Variants in IL18RAP observed in about 807,000 individuals in gnomAD.
The protein encoded by IL18RAP is interleukin 18 receptor accessory protein, also known as interleukin-18 receptor accessory protein.
In IL18RAP, 37 loss-of-function variants were observed where a neutral mutation model predicts 58.1. That is an observed-to-expected ratio of 0.64 (90% confidence interval 0.49 to 0.84). The LOEUF (loss-of-function observed/expected upper bound fraction) is 0.84. Ranked by LOEUF, IL18RAP falls within the 40% of genes least tolerant of loss-of-function variation. The pLI is 0.00. For missense variants in IL18RAP, 667 were observed against 704.8 expected, an observed-to-expected ratio of 0.95 and a Z score of 0.61; for synonymous variants, 268 against 257.5, an observed-to-expected ratio of 1.04 and a Z score of -0.39.
chr2:102,432,586 T>G (rs1682451578), intron 3 of IL18RAP, among the ~76,000 whole-genome samples: 1 of 152,112 alleles, frequency 6.6e-6, no homozygotes, highest in African/African-American at 2.4e-5. Flanking sequence ...TACAAAGATG[T>G]GTGTGGGCTT....
rs887971 is a variant in IL18RAP, at chr2:102,424,707, T to C, written c.579+293T>C. On this transcript the variant is annotated intron_variant, in intron 3 of 9. Transcript: ENST00000687160. ...ATAAACCTACTAACATCTGCTAATG[T>C]AGGAAGATAGGTTCACTCATTTTCA... is the stretch of plus-strand genomic sequence containing the variant. 0.27 allele frequency among the ~76,000 whole-genome samples: 41,554 copies of C among 152,108 alleles called. 6,354 individuals are homozygous for C. The highest frequency in any genetic ancestry group is 0.4 in the East Asian group (2,081 of 5,180).
At chr2:102,423,123 G>T, upstream of IL18RAP, 1 of 752,660 alleles carries the variant, frequency 1.3e-6, no homozygotes, top group Non-Finnish European at 2.3e-6. Context: ...TCCTGTGTGA[G>T]ATGCACTTTG....
At chr2:102,447,025 A>G (rs1266612117) in intron 7 of IL18RAP, 45 bp from the exon 8 acceptor site, 1 of 1,599,688 alleles carries the variant, frequency 6.3e-7, no homozygotes, top group Non-Finnish European at 8.5e-7. Context: ...TCTTGGTCCA[A>G]TCCCGCTGCC....
intron 3 of IL18RAP, among the ~76,000 whole-genome samples, chr2:102,428,207 T>G (rs1326219312): frequency 6.6e-6 from 1 of 151,830 alleles, no homozygotes; most frequent in African/African-American, 2.4e-5. Context: ...CCATATGAAT[T>G]TAAGGGTAGT....
In IL18RAP at chr2:102,445,275, T is replaced by A; in HGVS notation, c.1007T>A (p.Val336Asp). 6.2e-7 allele frequency: 1 copy of A among 1,614,212 alleles called. No homozygotes were observed. Among genetic ancestry groups the A allele is most frequent in the Non-Finnish European group, 8.5e-7 (1 of 1,180,026 alleles). Residue 336 changes from valine (V) to aspartate (D), a missense_variant, in exon 7 of 10, where the codon GTT (valine) becomes GAT (aspartate). Val to Asp is a radical substitution (Grantham distance 152, BLOSUM62 -3). Transcript: ENST00000687160. Reference sequence around the variant, plus strand: ...CAGCGTGATCTTCGCAGGAAGTTTGTTTGCTTTGTCCAGAACTCCATTGGA... The same window carrying A: ...CAGCGTGATCTTCGCAGGAAGTTTGATTGCTTTGTCCAGAACTCCATTGGA... The part of the protein sequence containing the change: ...VTQRDLRRKF[V>D]CFVQNSIGNT...
chr2:102,419,242 T>C (rs1196727386), upstream of IL18RAP, among the ~76,000 whole-genome samples: 2 of 152,222 alleles, frequency 1.3e-5, no homozygotes, highest in Non-Finnish European at 2.9e-5. Context: ...CATTTAAACT[T>C]AACTGTAACA....
At chr2:102,448,695 C>A (rs973393063) in intron 8 of IL18RAP, among the ~76,000 whole-genome samples, 2 of 152,102 alleles carry the variant, frequency 1.3e-5, no homozygotes, top group South Asian at 2.1e-4. Context: ...TGTGGTGGCT[C>A]ACACCTGTAA....
At chr2:102,421,817 C>T (rs1165940309), upstream of IL18RAP, among the ~76,000 whole-genome samples, 9 of 152,172 alleles carry the variant, frequency 5.9e-5, no homozygotes, top group Non-Finnish European at 1.2e-4. Context: ...TCTGGGCAGA[C>T]TTTCCTTTTC....
chr2:102,450,658 C>A lies in IL18RAP; in HGVS notation c.1211-190C>A, dbSNP rs370688205. 2.0e-5 allele frequency among the ~76,000 whole-genome samples: 3 copies of A among 152,054 alleles called. No individual in the cohort carries two copies. The East Asian group carries it at 5.8e-4, about 29-fold the overall frequency. Reference sequence around the variant, plus strand: ...CAAGACTGCTTCATAAATTAGAATTCGATTTGGGGTGAAAAATCAATACCG... The same window carrying A: ...CAAGACTGCTTCATAAATTAGAATTAGATTTGGGGTGAAAAATCAATACCG... On this transcript the variant is annotated intron_variant, in intron 8 of 9. Coordinates refer to ENST00000687160, the MANE Select transcript of IL18RAP (RefSeq NM_001393487.1).
At position 102,452,281 on chromosome 2, in the gene IL18RAP, T is replaced by C. The variant is rs1683823298; in HGVS notation, c.*100T>C. 8.6e-7 allele frequency: 1 copy of C among 1,165,304 alleles called. No homozygotes were observed. The highest frequency in any genetic ancestry group is 2.5e-5 in the Admixed American group (1 of 40,562). The allele number at this position is 1,165,304 out of a possible 1,614,324, so 72.2% of individuals were successfully genotyped here. ...GTGTGTGTTCAGGCTGATAGGAAAT[T>C]CAAAGAGTCTCCTGCCAGCACCAAG... On this transcript the variant is annotated 3_prime_UTR_variant, in exon 10 of 10. Coordinates refer to ENST00000687160, the MANE Select transcript of IL18RAP (RefSeq NM_001393487.1).
Position 102,451,012 on chromosome 2 carries a change from C to A in IL18RAP, c.1375C>A (p.Pro459Thr). The change falls in exon 9 of 10, where the codon CCA becomes ACA. Residue 459 changes from proline (P) to threonine (T), a missense_variant. Coordinates refer to ENST00000687160, the MANE Select transcript of IL18RAP (RefSeq NM_001393487.1). The stretch of plus-strand genomic sequence containing the variant: ...GTGTTTGCTTGAAAGAGATGTGGCT[C>A]CAGGAGGAGGTAAGTCCAACATGTC... ...SLCLLERDVA[P>T]GGVYAEDIVS... The A allele has an allele frequency of 6.3e-7, 1 of 1,594,208 alleles. No homozygotes were observed. The highest frequency in any genetic ancestry group is 8.5e-7 in the Non-Finnish European group (1 of 1,171,808).
At chr2:102,444,862 ATAG>A (rs1221913788) in intron 6 of IL18RAP, among the ~76,000 whole-genome samples, 1 of 152,226 alleles carries the variant, frequency 6.6e-6, no homozygotes, top group African/African-American at 2.4e-5. Flanking sequence ...GGACTGATAC[ATAG>A]TAAACCTTCA....
upstream of IL18RAP, chr2:102,419,078 G>T (rs1681415851): frequency 2.6e-5 from 4 of 152,056 alleles, no homozygotes; most frequent in African/African-American, 9.7e-5. Flanking sequence ...AACAAAATGG[G>T]TTATTTACTA....
At chr2:102,441,945 A>G (rs913364263) in intron 5 of IL18RAP, among the ~76,000 whole-genome samples, 1 of 152,162 alleles carries the variant, frequency 6.6e-6, no homozygotes, top group Non-Finnish European at 1.5e-5. Context: ...AAGTGGCTGG[A>G]GCATGAAACC....
intron 8 of IL18RAP, among the ~76,000 whole-genome samples, chr2:102,450,219 A>G (rs529937365): frequency 6.6e-6 from 1 of 152,364 alleles, no homozygotes; most frequent in African/African-American, 2.4e-5. Context: ...AAAATATCCT[A>G]TAACAAGTTA....
At chr2:102,438,261 A>G (rs1179956317) in intron 4 of IL18RAP, among the ~76,000 whole-genome samples, 2 of 152,184 alleles carry the variant, frequency 1.3e-5, no homozygotes, top group Non-Finnish European at 2.9e-5. Flanking sequence ...AGAAGTGAAA[A>G]CATAAGACAG....
At chr2:102,429,380 T>C (rs1682186184) in intron 3 of IL18RAP, among the ~76,000 whole-genome samples, 1 of 151,992 alleles carries the variant, frequency 6.6e-6, no homozygotes, top group Non-Finnish European at 1.5e-5. Context: ...AGTAGTTTCT[T>C]ATAATCCTTT....
upstream of IL18RAP, among the ~76,000 whole-genome samples, chr2:102,420,706 G>A (rs187732885): frequency 6.6e-6 from 1 of 152,244 alleles, no homozygotes; most frequent in Admixed American, 6.5e-5. Context: ...CAAATATCCC[G>A]ACTTAAACAT....
intron 3 of IL18RAP, among the ~76,000 whole-genome samples, chr2:102,430,046 G>T (rs1224981651): frequency 6.6e-6 from 1 of 151,912 alleles, no homozygotes. Flanking sequence ...GCTGCTGTTG[G>T]ATAGAATGTT....
Sources: allele counts gnomAD v4.1 joint callset (sites outside exome capture counted in the v4.1 genomes callset), GRCh38; gene constraint gnomAD v4.1.1; transcripts MANE v1.5; gene names NCBI Gene and HGNC (gene_info 2026-07-23, HGNC 2026-07-21).